Variants in SCUBE2 observed in about 807,000 individuals in gnomAD.
SCUBE2 encodes signal peptide, CUB and EGF-like domain-containing protein 2.
A neutral mutation model predicts 125.9 loss-of-function variants in SCUBE2; 114 were observed. The observed-to-expected ratio is 0.91, with a 90% CI of 0.78 to 1.06. SCUBE2 has a LOEUF of 1.06. SCUBE2 is among the 50% of genes least tolerant of loss of function. SCUBE2 has a pLI of 0.00. For synonymous variants in SCUBE2, 459 were observed against 492.9 expected (o/e 0.93, Z 0.91); for missense variants, 1,255 against 1,301.8 (o/e 0.96, Z 0.55).
intron 16 of SCUBE2, among the ~76,000 whole-genome samples, chr11:9,043,259 C>T (rs1203771343): frequency 6.7e-6 from 1 of 150,232 alleles, no homozygotes; most frequent in Non-Finnish European, 1.5e-5. Context: ...ATAATACATA[C>T]ATACATACAT....
At chr11:9,089,040 T>C (rs1473992227) in intron 2 of SCUBE2, among the ~76,000 whole-genome samples, 1 of 151,996 alleles carries the variant, frequency 6.6e-6, no homozygotes, top group East Asian at 1.9e-4. Context: ...CAGCCTCGAG[T>C]GTCCAGTCTC....
rs776700668 is a variant in SCUBE2, at chr11:9,029,938, G to A, written c.2449C>T (p.Pro817Ser). ...EFGKNNCVSCPGNTTTDFDGS... is the reference protein window; with the variant it reads ...EFGKNNCVSCSGNTTTDFDGS... Reference sequence around the variant, plus strand: ...TCAAAGTCAGTCGTAGTATTTCCTGGGCAAGAAACACAATTATTTTTTCCA... The same window carrying A: ...TCAAAGTCAGTCGTAGTATTTCCTGAGCAAGAAACACAATTATTTTTTCCA... The change falls in exon 19 of 23, where the codon CCA becomes TCA. Residue 817 changes from proline (P) to serine (S), a missense_variant. Pro to Ser is a moderately conservative substitution (Grantham distance 74, BLOSUM62 -1). Coordinates refer to ENST00000649792, the MANE Select transcript of SCUBE2 (RefSeq NM_001367977.2). 6.2e-7 allele frequency: 1 copy of A among 1,614,140 alleles called. No homozygotes were observed. The highest frequency in any genetic ancestry group is 8.5e-7 in the Non-Finnish European group (1 of 1,180,018).
In SCUBE2 at chr11:9,041,478, G is replaced by GAGC. The variant is rs558436318; in HGVS notation, c.2002+5875_2002+5877dup. ...GGAACCAGCATTGAAAATGAAAAGG[G>GAGC]AGCAGCCAGTGAGGTATGGAGAAGC... On this transcript the variant is annotated intron_variant, in intron 16 of 22. Transcript: ENST00000649792. Among the ~76,000 whole-genome samples the GAGC allele has an allele frequency of 9.9e-5, 15 of 152,258 alleles. No individual in the cohort carries two copies. The South Asian group carries it at 3.1e-3, about 32-fold the overall frequency.
chr11:9,056,302 C>A (rs1859076784), intron 9 of SCUBE2, among the ~76,000 whole-genome samples: 1 of 152,162 alleles, frequency 6.6e-6, no homozygotes, highest in Non-Finnish European at 1.5e-5. Context: ...AGTAAAACAG[C>A]AATATTAATT....
intron 16 of SCUBE2, among the ~76,000 whole-genome samples, chr11:9,046,173 AT>A (rs1348215198): frequency 2.6e-5 from 4 of 151,554 alleles, no homozygotes; most frequent in African/African-American, 9.7e-5. Flanking sequence ...CGCCCAGCTA[AT>A]TTTTTGTATT....
intron 11 of SCUBE2, among the ~76,000 whole-genome samples, 159 bp downstream of exon 11, chr11:9,053,478 A>G (rs1032294358): frequency 1.3e-5 from 2 of 152,234 alleles, no homozygotes; most frequent in Non-Finnish European, 2.9e-5. Flanking sequence ...GATCCGGCAA[A>G]GTATCTCCTG....
intron 21 of SCUBE2, among the ~76,000 whole-genome samples, chr11:9,025,219 T>C (rs774357119): frequency 6.6e-6 from 1 of 152,176 alleles, no homozygotes; most frequent in Non-Finnish European, 1.5e-5. Flanking sequence ...GGACCAGAAC[T>C]AAGGTCCTTC....
rs369565859 is a variant in SCUBE2 at position 9,053,775 on chromosome 11, C to G, written c.1208-16G>C. Reference sequence around the variant, plus strand: ...TCATTGGTGTCTGTGGAACAAAATACTCTCCTGTCATAGCAGCCTGTCACT... The same window carrying G: ...TCATTGGTGTCTGTGGAACAAAATAGTCTCCTGTCATAGCAGCCTGTCACT... On this transcript the variant is annotated splice_polypyrimidine_tract_variant and intron_variant, in intron 10 of 22. Coordinates refer to ENST00000649792, the MANE Select transcript of SCUBE2 (RefSeq NM_001367977.2). The G allele has an allele frequency of 6.2e-7, 1 of 1,608,302 alleles. No individual in the cohort carries two copies.
chr11:9,047,971 C>T lies in SCUBE2; in HGVS notation c.1767G>A (p.Glu589=), dbSNP rs773325055. 6.2e-7 allele frequency: 1 copy of T among 1,613,496 alleles called. No individual in the cohort carries two copies. The highest frequency in any genetic ancestry group is 8.5e-7 in the Non-Finnish European group (1 of 1,179,838). Residue 589 remains glutamate (E), a synonymous_variant, in exon 15 of 23, where the codon GAG becomes GAA. Coordinates refer to ENST00000649792, the MANE Select transcript of SCUBE2 (RefSeq NM_001367977.2). ...TCACCTCCTTTTGGTTAGTTTCAAG[C>T]TCAAACTCAACAGTGATAAACATTT... is the stretch of plus-strand genomic sequence containing the variant. The part of the protein sequence containing the change: ...PKEMFITVEF[E]LETNQKEVTA...
intron 2 of SCUBE2, among the ~76,000 whole-genome samples, chr11:9,083,570 T>G (rs1365572341): frequency 6.6e-6 from 1 of 151,964 alleles, no homozygotes; most frequent in Non-Finnish European, 1.5e-5. Flanking sequence ...TTTTTTTTTT[T>G]TTGAGATGGA....
chr11:9,074,766 A>G lies in SCUBE2; in HGVS notation c.383-151T>C, dbSNP rs558774666. The G allele has an allele frequency of 4.1e-5, 37 of 897,468 alleles. No individual in the cohort carries two copies. In the African/African-American group the frequency reaches 5.1e-4, roughly 12 times the overall value. 55.6% of individuals were successfully genotyped at this position (897,468 alleles called of 1,614,324 possible). ...TTCAGAATCAAAGCCGGTAAGGTCC[A>G]CAGACAACTACCCAGTCCTTACGGG... On this transcript the variant is annotated intron_variant, in intron 3 of 22. Transcript: ENST00000649792.
chr11:9,069,840 G>A (rs1433585663), intron 4 of SCUBE2, among the ~76,000 whole-genome samples: 1 of 152,176 alleles, frequency 6.6e-6, no homozygotes, highest in African/African-American at 2.4e-5. Context: ...AGCTGATCAA[G>A]AATGTAAAGA....
At chr11:9,077,838 T>C (rs1861323482) in intron 3 of SCUBE2, among the ~76,000 whole-genome samples, 1 of 152,206 alleles carries the variant, frequency 6.6e-6, no homozygotes, top group Non-Finnish European at 1.5e-5. Flanking sequence ...TGATAATATC[T>C]GTGTTATCGG....
chr11:9,079,246 T>C, intron 3 of SCUBE2, 138 bp downstream of exon 3: 1 of 844,792 alleles, frequency 1.2e-6, no homozygotes, highest in Non-Finnish European at 1.8e-6. Context: ...TCATTTTCTA[T>C]CACGGAGTCT....
intron 17 of SCUBE2, among the ~76,000 whole-genome samples, chr11:9,033,191 G>T (rs1856464221): frequency 6.6e-6 from 1 of 152,116 alleles, no homozygotes; most frequent in Non-Finnish European, 1.5e-5. Context: ...CACAGAGGAG[G>T]TCCCAGTTTT....
rs1304075524 is a variant in SCUBE2 at position 9,059,318 on chromosome 11, C to T, written c.1075G>A (p.Glu359Lys). 6.2e-6 allele frequency: 10 copies of T among 1,614,210 alleles called. No homozygotes were observed. Among genetic ancestry groups the T allele is most frequent in the Non-Finnish European group, 8.5e-6 (10 of 1,180,036 alleles). Reference sequence around the variant, plus strand: ...CAGCACATACCTTGGCAAGACTTCTCATCTGTTAATAATTTAAATCCTTTC... The same window carrying T: ...CAGCACATACCTTGGCAAGACTTCTTATCTGTTAATAATTTAAATCCTTTC... ...CKKGFKLLTD[E>K]KSCQDVDECS... Residue 359 changes from glutamate to lysine, a missense_variant, in exon 9 of 23, where the codon GAG becomes AAG. Glu to Lys is a moderately conservative substitution (Grantham distance 56, BLOSUM62 1). Around this residue, in one of 3 missense-constraint regions of SCUBE2, gnomAD observed 378 missense variants for 463.1 expected, o/e 0.82. Transcript: ENST00000649792.
chr11:9,079,326 G>C, intron 3 of SCUBE2, 58 bp downstream of exon 3: 1 of 1,604,038 alleles, frequency 6.2e-7, no homozygotes. Flanking sequence ...TCTTCACCAA[G>C]GGAAAGAAAG....
chr11:9,033,360 G>A (rs1856477268), intron 17 of SCUBE2, among the ~76,000 whole-genome samples: 1 of 152,236 alleles, frequency 6.6e-6, no homozygotes, highest in African/African-American at 2.4e-5. Flanking sequence ...TATTTCCAGT[G>A]AAGAAAGCAC....
chr11:9,063,114 C>T (rs1859852511), intron 7 of SCUBE2, among the ~76,000 whole-genome samples: 2 of 152,002 alleles, frequency 1.3e-5, no homozygotes, highest in African/African-American at 2.4e-5. Context: ...GGCATGGTGG[C>T]ATGTGCCTGT....
Sources: allele counts gnomAD v4.1 joint callset (sites outside exome capture counted in the v4.1 genomes callset), GRCh38; gene constraint gnomAD v4.1.1; regional missense constraint gnomAD v4.1.1; transcripts MANE v1.5; gene names NCBI Gene and HGNC (gene_info 2026-07-23, HGNC 2026-07-21).